Variants in ZNF644 observed in about 807,000 individuals in gnomAD.
The protein encoded by ZNF644 is zinc finger motif enhancer binding protein 2.
In ZNF644, 20 loss-of-function variants were observed where a neutral mutation model predicts 108.0. That is an observed-to-expected ratio of 0.19 (90% CI 0.13 to 0.27). The LOEUF (loss-of-function observed/expected upper bound fraction) is 0.27, where lower values mean the gene tolerates loss of function less well. Ranked by LOEUF, ZNF644 falls within the 10% of genes least tolerant of loss-of-function variation. ZNF644 has a pLI of 1.00. For synonymous variants in ZNF644, 542 were observed against 539.1 expected, an observed-to-expected ratio of 1.01 and a Z score of -0.08; for missense variants, 1,338 against 1,548.9, an observed-to-expected ratio of 0.86 and a Z score of 2.29.
intron 2 of ZNF644, among the ~76,000 whole-genome samples, chr1:90,953,193 G>A (rs1043671820): frequency 6.6e-6 from 1 of 151,994 alleles, no homozygotes; most frequent in Admixed American, 6.6e-5. Context: ...ATTAAAATGA[G>A]TGATTTGTCA....
Position 90,940,256 on chromosome 1 carries a change from G to T in ZNF644, c.1098C>A (p.Asn366Lys), listed in dbSNP as rs1651810472. The change falls in exon 3 of 6, where the codon AAC becomes AAA. Residue 366 changes from asparagine (N) to lysine (K), a missense_variant. Physicochemically the swap from Asn to Lys is moderately conservative, Grantham distance 94 (BLOSUM62 0). Coordinates refer to ENST00000337393, the MANE Select transcript of ZNF644 (RefSeq NM_201269.3). ...AACTCTCTTCTCCACACTTATCTGGGTTATAAATTAGATGTTGGAAGGCAT... is the reference window on the plus strand; with the variant it reads ...AACTCTCTTCTCCACACTTATCTGGTTTATAAATTAGATGTTGGAAGGCAT... ...SVDAFQHLIYNPDKCGEESSP... is the reference protein window; with the variant it reads ...SVDAFQHLIYKPDKCGEESSP... 6.2e-7 allele frequency: 1 copy of T among 1,613,788 alleles called. No individual in the cohort carries two copies. The highest frequency in any genetic ancestry group is 1.7e-5 in the Admixed American group (1 of 59,978).
intron 2 of ZNF644, among the ~76,000 whole-genome samples, chr1:90,951,743 TG>T (rs1248560552): frequency 1.3e-5 from 2 of 152,182 alleles, no homozygotes; most frequent in African/African-American, 4.8e-5. Context: ...TTATTTACTG[TG>T]GTTGTAGTTT....
At position 90,971,610 on chromosome 1, in the gene ZNF644, G is replaced by C. The variant is rs572093213; in HGVS notation, c.44+10700C>G. On this transcript the variant is annotated intron_variant, in intron 2 of 5. Coordinates refer to ENST00000337393, the MANE Select transcript of ZNF644 (RefSeq NM_201269.3). ...AATTTTTGTATTTTTGGTAGAGATG[G>C]GATTTCACCATATTGACTAGGCTGG... Among the ~76,000 whole-genome samples, 5 of 152,018 alleles carry C rather than the reference G, an allele frequency of 3.3e-5. No homozygotes were observed. The South Asian group carries it at 1.0e-3, about 32-fold the overall frequency.
chr1:91,009,323 T>TAAA (rs544747119), intron 1 of ZNF644, among the ~76,000 whole-genome samples: 1,742 of 150,646 alleles, frequency 0.012, 29 homozygotes, highest in African/African-American at 0.04. Flanking sequence ...TCCTAACTCT[T>TAAA]AAAAAAAAAG....
At chr1:90,936,401 T>G (rs1651324341) in intron 4 of ZNF644, among the ~76,000 whole-genome samples, 1 of 152,180 alleles carries the variant, frequency 6.6e-6, no homozygotes, top group South Asian at 2.1e-4. Context: ...TTTCAGAGAC[T>G]CTTTATTCGA....
chr1:91,000,274 C>A (rs1658628116), intron 1 of ZNF644, among the ~76,000 whole-genome samples: 1 of 152,178 alleles, frequency 6.6e-6, no homozygotes, highest in South Asian at 2.1e-4. Flanking sequence ...CCAACACTGA[C>A]CACATAGTTG....
intron 1 of ZNF644, among the ~76,000 whole-genome samples, chr1:90,994,637 A>T (rs1325444191): frequency 6.6e-6 from 1 of 152,234 alleles, no homozygotes; most frequent in Non-Finnish European, 1.5e-5. Context: ...GTTGCCTTTC[A>T]ACAGAGTGCA....
At chr1:90,931,209 G>T (rs1408340801) in intron 4 of ZNF644, among the ~76,000 whole-genome samples, 1 of 151,758 alleles carries the variant, frequency 6.6e-6, no homozygotes, top group African/African-American at 2.4e-5. Context: ...CACAAAAAAA[G>T]CTAATCAGTA....
chr1:91,011,335 A>T (rs1001140614), intron 1 of ZNF644, among the ~76,000 whole-genome samples: 1 of 152,198 alleles, frequency 6.6e-6, no homozygotes, highest in African/African-American at 2.4e-5. Context: ...TCACAATCCA[A>T]ATGTTAATGA....
At chr1:91,014,755 G>A (rs982154903) in intron 1 of ZNF644, among the ~76,000 whole-genome samples, 2 of 151,962 alleles carry the variant, frequency 1.3e-5, no homozygotes, top group African/African-American at 4.8e-5. Context: ...ATAAGGGGGG[G>A]GAGAAAAATG....
chr1:91,014,113 AATACAT>A (rs774952687), intron 1 of ZNF644, among the ~76,000 whole-genome samples: 2 of 152,200 alleles, frequency 1.3e-5, no homozygotes, highest in African/African-American at 2.4e-5. Context: ...CACATTTTGA[AATACAT>A]ATAAATTATG....
intron 2 of ZNF644, among the ~76,000 whole-genome samples, chr1:90,953,476 G>C (rs185720504): frequency 8.5e-4 from 129 of 151,522 alleles, no homozygotes; most frequent in Non-Finnish European, 1.7e-3. Context: ...AAACCACCGT[G>C]GCACACATTT....
chr1:90,951,706 C>T (rs1304942695), intron 2 of ZNF644, among the ~76,000 whole-genome samples: 1 of 152,184 alleles, frequency 6.6e-6, no homozygotes, highest in East Asian at 1.9e-4. Context: ...TAACACTTAA[C>T]ACCATCTAAC....
chr1:90,928,536 T>C (rs1650343885), intron 4 of ZNF644, among the ~76,000 whole-genome samples: 1 of 151,878 alleles, frequency 6.6e-6, no homozygotes, highest in Non-Finnish European at 1.5e-5. Context: ...TTGACCATGA[T>C]GGTCTCACGC....
intron 4 of ZNF644, among the ~76,000 whole-genome samples, chr1:90,921,917 G>C (rs1412549394): frequency 6.6e-6 from 1 of 152,072 alleles, no homozygotes; most frequent in Non-Finnish European, 1.5e-5. Flanking sequence ...AACCAGATTG[G>C]TGCAAAGCAA....
chr1:90,998,298 C>T (rs1658384549), intron 1 of ZNF644, among the ~76,000 whole-genome samples: 1 of 152,216 alleles, frequency 6.6e-6, no homozygotes, highest in South Asian at 2.1e-4. Context: ...GCACCCACCA[C>T]TAGGGGCAGA....
chr1:91,006,837 G>A (rs1187473030), intron 1 of ZNF644, among the ~76,000 whole-genome samples: 1 of 152,014 alleles, frequency 6.6e-6, no homozygotes, highest in African/African-American at 2.4e-5. Context: ...TGGAGCCTGT[G>A]CCTTCTAGTA....
intron 1 of ZNF644, among the ~76,000 whole-genome samples, chr1:91,018,295 T>C (rs1660601166): frequency 6.6e-6 from 1 of 152,180 alleles, no homozygotes; most frequent in South Asian, 2.1e-4. Flanking sequence ...CAGCTATTTA[T>C]TTCCCTCTAA....
At chr1:90,937,066 A>T (rs142106424) in intron 4 of ZNF644, among the ~76,000 whole-genome samples, 1,596 of 152,282 alleles carry the variant, frequency 0.01, 32 homozygotes, top group Non-Finnish European at 0.012. Context: ...AAATCTTGAA[A>T]ACATGATCAC....
Sources: gnomAD v4.1 joint callset for allele counts (sites outside exome capture counted in the v4.1 genomes callset) on GRCh38, gnomAD v4.1.1 for gene constraint, MANE v1.5 for transcripts, NCBI Gene and HGNC (gene_info 2026-07-23, HGNC 2026-07-21) for gene names.